The following MICAL3 variants were observed in gnomAD, a reference collection of about 807,000 sequenced individuals.
The protein encoded by MICAL3 is [F-actin]-monooxygenase MICAL3.
In MICAL3, 62 loss-of-function variants were observed where a neutral mutation model predicts 207.4. The ratio of observed to expected loss-of-function variants is 0.30; its 90% CI spans 0.24 to 0.37. MICAL3 has a LOEUF of 0.37. Ranked by LOEUF, MICAL3 falls within the 10% of genes least tolerant of loss-of-function variation. The probability of loss-of-function intolerance (pLI) is 1.00; values close to 1 mark genes in which losing one functional copy is unlikely to be tolerated. For missense variants in MICAL3, 2,368 were observed against 2,635.6 expected (o/e 0.90, Z 2.22); for synonymous variants, 1,077 against 1,069.3 (o/e 1.01, Z -0.14).
chr22:17,996,748 A>G (rs1922325908), intron 1 of MICAL3, among the ~76,000 whole-genome samples: 1 of 152,122 alleles, frequency 6.6e-6, no homozygotes, highest in Admixed American at 6.6e-5. Flanking sequence ...AGTTTAGGTA[A>G]ATTTCTGAAC....
rs186098325 is a variant in MICAL3 at position 17,805,944 on chromosome 22, G to C, written c.5650+2900C>G. 1.9e-3 allele frequency among the ~76,000 whole-genome samples: 286 copies of C among 152,336 alleles called. 2 individuals carry two copies. Among genetic ancestry groups the C allele is most frequent in the African/African-American group, 6.6e-3 (276 of 41,574 alleles). On this transcript the variant is annotated intron_variant, in intron 29 of 31. Transcript: ENST00000441493. ...AGGGTTTCTCCATGTTGGTCAGGCT[G>C]GTCTCAAACTCCCGGCCTCAGGTGA...
intron 27 of MICAL3, among the ~76,000 whole-genome samples, chr22:17,816,156 C>G (rs970143339): frequency 1.3e-5 from 2 of 152,226 alleles, no homozygotes; most frequent in Non-Finnish European, 2.9e-5. Context: ...ACCCAAAGTC[C>G]TGGGCTCTGG....
chr22:17,995,233 G>C, intron 1 of MICAL3, among the ~76,000 whole-genome samples: 1 of 152,116 alleles, frequency 6.6e-6, no homozygotes, highest in South Asian at 2.1e-4. Context: ...CTGGAATGCA[G>C]TGGTGTGATT....
chr22:18,012,802 C>T (rs1923831689), intron 1 of MICAL3, among the ~76,000 whole-genome samples: 1 of 152,240 alleles, frequency 6.6e-6, no homozygotes, highest in Non-Finnish European at 1.5e-5. Context: ...ACACTACCAG[C>T]AAAACCAAGC....
intron 29 of MICAL3, among the ~76,000 whole-genome samples, chr22:17,799,097 A>G (rs2061909820): frequency 6.6e-6 from 1 of 152,182 alleles, no homozygotes; most frequent in Non-Finnish European, 1.5e-5. Context: ...AAACTTTCAG[A>G]AAGCAGCCAA....
intron 1 of MICAL3, among the ~76,000 whole-genome samples, chr22:18,015,830 C>A (rs1924020826): frequency 6.6e-6 from 1 of 152,130 alleles, no homozygotes; most frequent in South Asian, 2.1e-4. Context: ...TTTCTACATG[C>A]CTCTTGATTT....
chr22:17,876,820 GGGAGGTTATGGAGGTT>G, intron 16 of MICAL3: 2 of 54,730 alleles, frequency 3.7e-5, no homozygotes, highest in East Asian at 5.3e-4. Context: ...AGGGAGGTTA[GGGAGGTTATGGAGGTT>G]AGGGAGGTTA....
At chr22:17,898,482 C>T (rs1440085451) in intron 7 of MICAL3, among the ~76,000 whole-genome samples, 1 of 152,216 alleles carries the variant, frequency 6.6e-6, no homozygotes, top group Non-Finnish European at 1.5e-5. Context: ...GGCACATGCT[C>T]GTCAGCTCAC....
intron 21 of MICAL3, 40 bp from the exon 22 acceptor site, chr22:17,827,821 G>A (rs1297621857): frequency 6.6e-7 from 1 of 1,519,566 alleles, no homozygotes; most frequent in East Asian, 2.5e-5. Flanking sequence ...ATGAGGTGGG[G>A]AAGGAGGGGA....
chr22:17,876,031 G>T (rs1044549314), intron 16 of MICAL3, among the ~76,000 whole-genome samples: 2 of 152,174 alleles, frequency 1.3e-5, no homozygotes, highest in African/African-American at 2.4e-5. Context: ...AGTGAAGCTC[G>T]CTCCTTCTAC....
chr22:17,794,063 C>T lies in MICAL3; in HGVS notation c.5651-2762G>A, dbSNP rs150329333. Among the ~76,000 whole-genome samples, 1,042 of 152,338 alleles carry T rather than the reference C, an allele frequency of 6.8e-3. 9 individuals are homozygous for T. The highest frequency in any genetic ancestry group is 0.01 in the Non-Finnish European group (701 of 68,038). On this transcript the variant is annotated intron_variant, in intron 29 of 31. Coordinates refer to ENST00000441493, the MANE Select transcript of MICAL3 (RefSeq NM_015241.3). The stretch of plus-strand genomic sequence containing the variant: ...CGGAACTGAACGAGAGCAGATCCAG[C>T]TCTGGCAGCATCACAGAGGGGGCGG...
intron 25 of MICAL3, among the ~76,000 whole-genome samples, chr22:17,821,076 ATTTG>A (rs1350747797): frequency 6.6e-6 from 1 of 151,532 alleles, no homozygotes; most frequent in African/African-American, 2.4e-5. Context: ...TTTTTAATAA[ATTTG>A]TTTAAATTAA....
chr22:17,819,472 G>T (rs774590524), intron 25 of MICAL3, among the ~76,000 whole-genome samples: 1 of 152,130 alleles, frequency 6.6e-6, no homozygotes. Flanking sequence ...GCCCCAGAGC[G>T]CCAAGATCCC....
chr22:17,985,899 G>A (rs1920981667), intron 1 of MICAL3, among the ~76,000 whole-genome samples: 2 of 147,520 alleles, frequency 1.4e-5, no homozygotes, highest in Admixed American at 6.6e-5. Context: ...AATCACTCTT[G>A]TTTTTTGTTT....
chr22:17,822,373 T>A (rs959218558), intron 23 of MICAL3, among the ~76,000 whole-genome samples: 3 of 152,228 alleles, frequency 2.0e-5, no homozygotes, highest in African/African-American at 7.2e-5. Context: ...CTCCTGCCTT[T>A]GCAACGCGGG....
chr22:17,805,596 C>T (rs390041), intron 29 of MICAL3, among the ~76,000 whole-genome samples: 73,761 of 152,162 alleles, frequency 0.48, 20,161 homozygotes, highest in African/African-American at 0.76. Context: ...GTTTGCACTA[C>T]GACAGTGGTT....
intron 1 of MICAL3, among the ~76,000 whole-genome samples, chr22:17,950,632 C>G (rs919161561): frequency 6.6e-6 from 1 of 152,132 alleles, no homozygotes; most frequent in Non-Finnish European, 1.5e-5. Flanking sequence ...CCACTGCGCC[C>G]GGCCAGCTGT....
intron 16 of MICAL3, among the ~76,000 whole-genome samples, chr22:17,883,905 G>GC (rs1185386680): frequency 2.0e-5 from 3 of 152,086 alleles, no homozygotes; most frequent in African/African-American, 7.2e-5. Context: ...GACATACTCA[G>GC]AATTCTCTCT....
At chr22:17,980,931 A>G (rs1378480197) in intron 1 of MICAL3, 3 of 532,838 alleles carry the variant, frequency 5.6e-6, no homozygotes, top group African/African-American at 3.9e-5. Flanking sequence ...GGCCCCCACC[A>G]GTGCCCTGCA....
Sources: gnomAD v4.1 joint callset for allele counts (sites outside exome capture counted in the v4.1 genomes callset) on GRCh38, gnomAD v4.1.1 for gene constraint, MANE v1.5 for transcripts, NCBI Gene and HGNC (gene_info 2026-07-23, HGNC 2026-07-21) for gene names.